SLF1: variants seen among roughly 807,000 people sequenced by gnomAD.
The protein encoded by SLF1 is SMC5-SMC6 complex localization factor protein 1.
A neutral mutation model predicts 123.0 loss-of-function variants in SLF1; 105 were observed. The observed-to-expected ratio is 0.85, with a 90% CI of 0.73 to 1.00. SLF1 has a LOEUF of 1.00. Ranked by LOEUF, SLF1 falls within the 50% of genes least tolerant of loss-of-function variation. SLF1 has a pLI of 0.00. For missense variants in SLF1, 1,239 were observed against 1,223.0 expected, an observed-to-expected ratio of 1.01 and a Z score of -0.20; for synonymous variants, 434 against 406.6, an observed-to-expected ratio of 1.07 and a Z score of -0.81.
At chr5:94,629,208 C>G in intron 3 of SLF1, 41 bp downstream of exon 3, 1 of 1,432,690 alleles carries the variant, frequency 7.0e-7, no homozygotes, top group African/African-American at 1.4e-5. Context: ...AAACAATCTT[C>G]GTGTTAAAGC....
chr5:94,661,598 A>G (rs2152485294), intron 9 of SLF1, among the ~76,000 whole-genome samples: 2 of 151,136 alleles, frequency 1.3e-5, no homozygotes. Flanking sequence ...GCAGTGGTGC[A>G]ATCTCAGCTC....
chr5:94,637,191 C>G (rs2122985), intron 4 of SLF1, among the ~76,000 whole-genome samples: 33,856 of 152,072 alleles, frequency 0.22, 3,893 homozygotes, highest in East Asian at 0.34. Flanking sequence ...GCCACGTCTT[C>G]CAGGTGTTCT....
At chr5:94,635,824 T>G (rs1311441013) in intron 4 of SLF1, among the ~76,000 whole-genome samples, 1 of 152,178 alleles carries the variant, frequency 6.6e-6, no homozygotes, top group Non-Finnish European at 1.5e-5. Context: ...AGAGATAAAA[T>G]TGCTTCACAC....
chr5:94,651,131 C>A (rs926788514), intron 6 of SLF1, among the ~76,000 whole-genome samples: 3 of 152,060 alleles, frequency 2.0e-5, no homozygotes, highest in Non-Finnish European at 2.9e-5. Context: ...GTTGCAGTTG[C>A]CTATAGCATT....
rs558266842 is a variant in SLF1 at position 94,672,388 on chromosome 5, G to A, written c.1827+1380G>A. Among the ~76,000 whole-genome samples the A allele has an allele frequency of 3.4e-3, 510 of 151,870 alleles. 1 individual carries two copies. The highest frequency in any genetic ancestry group is 5.4e-3 in the Non-Finnish European group (366 of 67,866). On this transcript the variant is annotated intron_variant, in intron 14 of 20. Coordinates refer to ENST00000265140, the MANE Select transcript of SLF1 (RefSeq NM_032290.4). ...CGTTTTAAATTACCATTAAACTTAC[G>A]TTATACCTTTTCTTCATATTCTTTG...
chr5:94,654,788 C>T (rs760900039), intron 9 of SLF1, 36 bp downstream of exon 9: 43 of 1,441,150 alleles, frequency 3.0e-5, no homozygotes, highest in Admixed American at 7.9e-5. Context: ...TGTATAATAT[C>T]GTGTCTTACT....
At chr5:94,633,738 T>C (rs1323747495) in intron 4 of SLF1, among the ~76,000 whole-genome samples, 1 of 152,248 alleles carries the variant, frequency 6.6e-6, no homozygotes, top group Non-Finnish European at 1.5e-5. Context: ...TAAAACTTAA[T>C]TGCATTCTCA....
chr5:94,621,345 C>T (rs974553873), intron 1 of SLF1, among the ~76,000 whole-genome samples: 2 of 152,114 alleles, frequency 1.3e-5, no homozygotes, highest in African/African-American at 2.4e-5. Context: ...TTAATCACTC[C>T]GATTTCCCAG....
chr5:94,678,770 T>TAA, intron 14 of SLF1, 38 bp from the exon 15 acceptor site: 1 of 1,520,792 alleles, frequency 6.6e-7, no homozygotes, highest in African/African-American at 1.4e-5. Context: ...TTCAATATTG[T>TAA]AATATATTTT....
chr5:94,684,337 T>A (rs1251954481), intron 15 of SLF1, among the ~76,000 whole-genome samples: 1 of 152,170 alleles, frequency 6.6e-6, no homozygotes, highest in African/African-American at 2.4e-5. Flanking sequence ...TTAGATAATA[T>A]TAACAGAGCC....
chr5:94,683,205 G>T (rs2152495531), intron 15 of SLF1, among the ~76,000 whole-genome samples: 1 of 151,548 alleles, frequency 6.6e-6, no homozygotes, highest in East Asian at 1.9e-4. Flanking sequence ...ATTCACTTTT[G>T]CTTTGTTATC....
At chr5:94,669,489 T>C (rs1240981893) in intron 12 of SLF1, among the ~76,000 whole-genome samples, 1 of 152,050 alleles carries the variant, frequency 6.6e-6, no homozygotes, top group Admixed American at 6.5e-5. Context: ...TTTAGAAATA[T>C]ATTATAGAAG....
rs1326691390 is a variant in SLF1, at chr5:94,696,929, T to C, written c.*1617T>C. On this transcript the variant is annotated 3_prime_UTR_variant, in exon 21 of 21. Coordinates refer to ENST00000265140, the MANE Select transcript of SLF1 (RefSeq NM_032290.4). ...TTCTAATTCTTACCTCCTCTTTTGA[T>C]TATAATGAATCATTTAGACAAAAGG... The C allele has an allele frequency of 2.6e-5, 4 of 151,894 alleles. No individual in the cohort carries two copies. The highest frequency in any genetic ancestry group is 9.7e-5 in the African/African-American group (4 of 41,404). The allele number at this position is 151,894 out of a possible 1,614,324, so 9.4% of individuals were successfully genotyped here.
intron 15 of SLF1, among the ~76,000 whole-genome samples, chr5:94,679,795 T>C (rs191858907): frequency 6.6e-6 from 1 of 152,280 alleles, no homozygotes; most frequent in East Asian, 1.9e-4. Flanking sequence ...AGAAACATGA[T>C]AGCAGAACTC....
chr5:94,630,884 G>A (rs1745124074), intron 4 of SLF1, 141 bp downstream of exon 4: 1 of 890,600 alleles, frequency 1.1e-6, no homozygotes, highest in African/African-American at 1.7e-5. Flanking sequence ...AAGCCATTAT[G>A]CTCGTTTAGA....
chr5:94,683,200 CT>C (rs1458537973), intron 15 of SLF1, among the ~76,000 whole-genome samples: 6 of 152,090 alleles, frequency 3.9e-5, no homozygotes, highest in South Asian at 2.1e-4. Flanking sequence ...CCTTTATTCA[CT>C]TTTGCTTTGT....
Position 94,696,005 on chromosome 5 carries a change from T to G in SLF1, c.*693T>G, listed in dbSNP as rs1259634393. 1 of 151,866 alleles carries G rather than the reference T, an allele frequency of 6.6e-6. No homozygotes were observed. Among genetic ancestry groups the G allele is most frequent in the Non-Finnish European group, 1.5e-5 (1 of 67,840 alleles). 9.4% of individuals were successfully genotyped at this position (151,866 alleles called of 1,614,324 possible). On this transcript the variant is annotated 3_prime_UTR_variant, in exon 21 of 21. Coordinates refer to ENST00000265140, the MANE Select transcript of SLF1 (RefSeq NM_032290.4). ...CCTATGTAACCCAGTATTCTGTACC[T>G]GAAAACATTCTGCTGCATAGGTTTA... is the stretch of plus-strand genomic sequence containing the variant.
chr5:94,631,958 T>A (rs1011478746), intron 4 of SLF1, among the ~76,000 whole-genome samples: 2 of 137,788 alleles, frequency 1.5e-5, no homozygotes. Flanking sequence ...TCTACAAAAT[T>A]TTTTTTTCTT....
At chr5:94,658,165 T>TG (rs1303737023) in intron 9 of SLF1, among the ~76,000 whole-genome samples, 3 of 151,282 alleles carry the variant, frequency 2.0e-5, no homozygotes, top group Admixed American at 2.0e-4. Context: ...GTTTTTTGTT[T>TG]TTTTTTTTTT....
Sources: gnomAD v4.1 joint callset for allele counts (sites outside exome capture counted in the v4.1 genomes callset) on GRCh38, gnomAD v4.1.1 for gene constraint, MANE v1.5 for transcripts, NCBI Gene and HGNC (gene_info 2026-07-23, HGNC 2026-07-21) for gene names.